The following SLC7A1 variants were observed in gnomAD, a reference collection of about 807,000 sequenced individuals.
The protein encoded by SLC7A1 is solute carrier family 7 member 1.
SLC7A1 carries 10 observed loss-of-function variants against 53.9 expected under a neutral mutation model. The observed-to-expected ratio is 0.19, with a 90% CI of 0.11 to 0.31. The LOEUF is 0.31. SLC7A1 is among the 10% of genes least tolerant of loss of function. The pLI is 1.00. For missense variants in SLC7A1, 525 were observed against 827.2 expected (o/e 0.63, Z 4.48); for synonymous variants, 342 against 338.7 (o/e 1.01, Z -0.11).
chr13:29,531,140 G>A (rs1869140093), intron 4 of SLC7A1, among the ~76,000 whole-genome samples: 1 of 152,206 alleles, frequency 6.6e-6, no homozygotes, highest in Non-Finnish European at 1.5e-5. Flanking sequence ...ATAGTTTCCT[G>A]GGAGAATGGA....
intron 2 of SLC7A1, among the ~76,000 whole-genome samples, chr13:29,540,937 C>T (rs1457201679): frequency 6.6e-6 from 1 of 152,196 alleles, no homozygotes; most frequent in Non-Finnish European, 1.5e-5. Context: ...CTTTCCTCAA[C>T]AAGAGTGGCT....
intron 1 of SLC7A1, among the ~76,000 whole-genome samples, chr13:29,563,672 A>G (rs552195785): frequency 5.9e-5 from 9 of 152,206 alleles, no homozygotes; most frequent in Non-Finnish European, 1.2e-4. Flanking sequence ...TGCAGGCAGC[A>G]TGGAGAAGAT....
intron 1 of SLC7A1, among the ~76,000 whole-genome samples, chr13:29,564,382 G>A (rs1358842701): frequency 1.3e-5 from 2 of 152,156 alleles, no homozygotes; most frequent in Non-Finnish European, 2.9e-5. Flanking sequence ...CTTAAGCCAA[G>A]CCTTTGAAGG....
At chr13:29,518,943 T>C (rs61000881) in intron 9 of SLC7A1, among the ~76,000 whole-genome samples, 3,404 of 151,996 alleles carry the variant, frequency 0.022, 112 homozygotes, top group African/African-American at 0.078. Flanking sequence ...TATAACAAGC[T>C]GACTCCACAG....
intron 2 of SLC7A1, among the ~76,000 whole-genome samples, chr13:29,551,198 A>G (rs1870166545): frequency 6.6e-6 from 1 of 152,216 alleles, no homozygotes; most frequent in Admixed American, 6.5e-5. Context: ...AGAAAGAAGC[A>G]AGCAAGTAAC....
chr13:29,519,939 G>A (rs1868550788), intron 8 of SLC7A1, among the ~76,000 whole-genome samples: 1 of 152,126 alleles, frequency 6.6e-6, no homozygotes, highest in Non-Finnish European at 1.5e-5. Flanking sequence ...TTATGACTCT[G>A]AGTCCTGTGT....
At chr13:29,582,380 A>G (rs1016394537) in intron 1 of SLC7A1, among the ~76,000 whole-genome samples, 9 of 152,248 alleles carry the variant, frequency 5.9e-5, no homozygotes, top group East Asian at 3.8e-4. Flanking sequence ...ATAAGTGTAC[A>G]GGCTATGACT....
intron 5 of SLC7A1, among the ~76,000 whole-genome samples, chr13:29,528,793 C>T (rs1444539639): frequency 2.0e-5 from 3 of 152,178 alleles, no homozygotes; most frequent in African/African-American, 7.2e-5. Flanking sequence ...AAGGGGGCCC[C>T]ACCTATGATC....
chr13:29,587,456 A>T (rs1237580065), intron 1 of SLC7A1, among the ~76,000 whole-genome samples: 1 of 152,186 alleles, frequency 6.6e-6, no homozygotes, highest in African/African-American at 2.4e-5. Context: ...TTCACATTTT[A>T]TTTCTTCCGT....
At chr13:29,546,792 C>T (rs1292249705) in intron 2 of SLC7A1, among the ~76,000 whole-genome samples, 1 of 152,168 alleles carries the variant, frequency 6.6e-6, no homozygotes, top group Non-Finnish European at 1.5e-5. Flanking sequence ...AACAATGGGG[C>T]ACAGCCCAGG....
At chr13:29,584,420 T>C (rs144934135) in intron 1 of SLC7A1, among the ~76,000 whole-genome samples, 3,501 of 152,292 alleles carry the variant, frequency 0.023, 126 homozygotes, top group African/African-American at 0.079. Context: ...GTGCTGGGAT[T>C]ACAGGTATGA....
intron 1 of SLC7A1, among the ~76,000 whole-genome samples, chr13:29,587,622 TAGACC>T (rs1009915289): frequency 5.3e-5 from 8 of 152,210 alleles, no homozygotes; most frequent in African/African-American, 1.9e-4. Flanking sequence ...GCAAGGGGTA[TAGACC>T]AGACAAGAGT....
chr13:29,529,532 C>T (rs1234184264), intron 5 of SLC7A1, among the ~76,000 whole-genome samples: 1 of 152,218 alleles, frequency 6.6e-6, no homozygotes, highest in African/African-American at 2.4e-5. Flanking sequence ...AGAGCTGGGT[C>T]ATGCTCGTGC....
At chr13:29,564,560 C>T (rs901179965) in intron 1 of SLC7A1, among the ~76,000 whole-genome samples, 11 of 152,186 alleles carry the variant, frequency 7.2e-5, no homozygotes, top group Admixed American at 2.0e-4. Context: ...TATAATAGCT[C>T]CCCTAGGGCA....
At chr13:29,515,067 T>C (rs1462880582) in intron 12 of SLC7A1, among the ~76,000 whole-genome samples, 6 of 152,152 alleles carry the variant, frequency 3.9e-5, no homozygotes, top group Non-Finnish European at 7.4e-5. Context: ...GGACTTCACA[T>C]AGGAGTCCAC....
At chr13:29,576,243 G>A (rs571078657) in intron 1 of SLC7A1, among the ~76,000 whole-genome samples, 2 of 136,400 alleles carry the variant, frequency 1.5e-5, no homozygotes, top group East Asian at 4.4e-4. Flanking sequence ...AGTGAGCTGT[G>A]ATCACGCCAC....
chr13:29,524,008 T>C, intron 6 of SLC7A1, 124 bp downstream of exon 6: 2 of 902,316 alleles, frequency 2.2e-6, no homozygotes, highest in African/African-American at 1.6e-5. Flanking sequence ...GCTACAAATC[T>C]ACATGTTGCT....
intron 8 of SLC7A1, among the ~76,000 whole-genome samples, chr13:29,519,947 T>A (rs1868551231): frequency 6.6e-6 from 1 of 152,108 alleles, no homozygotes; most frequent in Non-Finnish European, 1.5e-5. Flanking sequence ...CTGAGTCCTG[T>A]GTGTCTTCCT....
Position 29,530,707 on chromosome 13 carries a change from A to G in SLC7A1, c.535T>C (p.Leu179=), listed in dbSNP as rs367598152. 9.9e-6 allele frequency: 16 copies of G among 1,613,594 alleles called. No homozygotes were observed. The African/African-American group carries it at 2.1e-4, about 22-fold the overall frequency. The part of the protein sequence containing the change: ...VIIILILTGL[L]TLGVKESAMV... ...GCCGACTCTTTCACACCAAGAGTTAAAAGTCCTGAAAAAGTGCATAGACAC... is the reference window on the plus strand; with the variant it reads ...GCCGACTCTTTCACACCAAGAGTTAGAAGTCCTGAAAAAGTGCATAGACAC... The change falls in exon 5 of 13, where the codon TTA becomes CTA. Residue 179 remains leucine (L), a synonymous_variant. Transcript: ENST00000380752.
Sources: allele counts gnomAD v4.1 joint callset (sites outside exome capture counted in the v4.1 genomes callset), GRCh38; gene constraint gnomAD v4.1.1; transcripts MANE v1.5; gene names NCBI Gene and HGNC (gene_info 2026-07-23, HGNC 2026-07-21).